RAPGEF2: variants seen among roughly 807,000 people sequenced by gnomAD.
RAPGEF2 encodes PDZ domain containing guanine nucleotide exchange factor (GEF) 1.
Under a neutral mutation model 186.7 loss-of-function variants are expected in RAPGEF2, and 54 were observed. The ratio of observed to expected loss-of-function variants is 0.29; its 90% CI spans 0.23 to 0.36. The LOEUF (loss-of-function observed/expected upper bound fraction) is 0.36, where lower values mean the gene tolerates loss of function less well. Ranked by LOEUF, RAPGEF2 falls within the 10% of genes least tolerant of loss-of-function variation. RAPGEF2 has a pLI of 1.00. For missense variants in RAPGEF2, 1,532 were observed against 2,045.0 expected, an observed-to-expected ratio of 0.75 and a Z score of 4.84; for synonymous variants, 712 against 705.9, an observed-to-expected ratio of 1.01 and a Z score of -0.14.
At chr4:159,219,787 T>A (rs1186640669) in intron 4 of RAPGEF2, among the ~76,000 whole-genome samples, 1 of 152,236 alleles carries the variant, frequency 6.6e-6, no homozygotes, top group Non-Finnish European at 1.5e-5. Flanking sequence ...ATTCCTTACC[T>A]TAGTGCTTAG....
intron 1 of RAPGEF2, among the ~76,000 whole-genome samples, chr4:159,158,252 G>C (rs778001261): frequency 4.1e-4 from 62 of 152,274 alleles, no homozygotes; most frequent in Middle Eastern, 3.4e-3. Flanking sequence ...ACTGCATGCA[G>C]ATCAGTGATC....
At chr4:159,231,003 G>A (rs928491538) in intron 4 of RAPGEF2, among the ~76,000 whole-genome samples, 4 of 152,146 alleles carry the variant, frequency 2.6e-5, no homozygotes, top group African/African-American at 9.7e-5. Flanking sequence ...ATAATATTAT[G>A]TAGTCATGCA....
rs185738990 is a variant in RAPGEF2, at chr4:159,261,656, T to C, written c.543+17865T>C. Among the ~76,000 whole-genome samples the C allele has an allele frequency of 4.7e-4, 72 of 152,346 alleles. 1 individual carries two copies. Among genetic ancestry groups the C allele is most frequent in the African/African-American group, 1.7e-3 (69 of 41,578 alleles). On this transcript the variant is annotated intron_variant, in intron 7 of 29. Transcript: ENST00000691494. ...TAAACCAGTTACTGCTTGCTGTTGT[T>C]TGCATAGGTCCTGTAATACCCTACA...
At chr4:159,104,352 G>T (rs920789070) in intron 1 of RAPGEF2, 121 bp downstream of exon 1, 4 of 467,260 alleles carry the variant, frequency 8.6e-6, no homozygotes, top group Non-Finnish European at 1.6e-5. Context: ...CTTGCATCAG[G>T]ACCCCCAACT....
intron 3 of RAPGEF2, among the ~76,000 whole-genome samples, chr4:159,202,084 CAGAT>C (rs1749479520): frequency 6.6e-6 from 1 of 152,356 alleles, no homozygotes; most frequent in East Asian, 1.9e-4. Context: ...GAACCTGTCT[CAGAT>C]AGCTGTGTCG....
At chr4:159,216,573 A>T (rs1751013100) in intron 4 of RAPGEF2, among the ~76,000 whole-genome samples, 1 of 152,056 alleles carries the variant, frequency 6.6e-6, no homozygotes, top group African/African-American at 2.4e-5. Context: ...AGATCAATTT[A>T]TCTAGAATGC....
At chr4:159,178,551 C>CTTTTTTTTTTTTTT (rs71589215) in intron 1 of RAPGEF2, among the ~76,000 whole-genome samples, 3 of 75,470 alleles carry the variant, frequency 4.0e-5, no homozygotes, top group Non-Finnish European at 7.0e-5. Context: ...ATGTATTATG[C>CTTTTTTTTTTTTTT]TTTTTTTTTT....
intron 8 of RAPGEF2, 45 bp downstream of exon 8, chr4:159,304,518 C>A: frequency 6.5e-7 from 1 of 1,541,868 alleles, no homozygotes; most frequent in Non-Finnish European, 8.9e-7. Flanking sequence ...TTCATTTATT[C>A]CAAGAAATTT....
intron 1 of RAPGEF2, among the ~76,000 whole-genome samples, chr4:159,104,512 G>GAGAGAC (rs1737591581): frequency 7.7e-6 from 1 of 130,468 alleles, no homozygotes; most frequent in African/African-American, 3.4e-5. Context: ...GAGAGAGAGA[G>GAGAGAC]AGAGAGAGAG....
At chr4:159,203,457 G>A (rs1194764489) in intron 3 of RAPGEF2, among the ~76,000 whole-genome samples, 3 of 152,208 alleles carry the variant, frequency 2.0e-5, no homozygotes, top group Non-Finnish European at 2.9e-5. Context: ...CGTCACGTGA[G>A]CATGTACACA....
chr4:159,118,968 A>G (rs1739364541), intron 1 of RAPGEF2, among the ~76,000 whole-genome samples: 1 of 152,178 alleles, frequency 6.6e-6, no homozygotes, highest in African/African-American at 2.4e-5. Context: ...AGTAGTTGAT[A>G]TTCATTACTC....
At chr4:159,208,244 G>A (rs576244078) in intron 3 of RAPGEF2, among the ~76,000 whole-genome samples, 10 of 152,348 alleles carry the variant, frequency 6.6e-5, no homozygotes, top group African/African-American at 2.4e-4. Flanking sequence ...ATTATTCAGA[G>A]TTGTAAATAG....
In RAPGEF2 at chr4:159,241,376, A is replaced by G. The variant is rs980100783; in HGVS notation, c.525+8A>G. On this transcript the variant is annotated splice_region_variant and intron_variant, in intron 6 of 29. Coordinates refer to ENST00000691494, the MANE Select transcript of RAPGEF2 (RefSeq NM_001394067.2). ...CCTAGAGGCTATCACACGGTAAGTT[A>G]TACAAGTATAATATTTTTATTTATT... The G allele has an allele frequency of 1.2e-5, 16 of 1,377,376 alleles. No homozygotes were observed. Among genetic ancestry groups the G allele is most frequent in the Non-Finnish European group, 1.5e-5 (16 of 1,062,770 alleles). The allele number at this position is 1,377,376 out of a possible 1,614,324, so 85.3% of individuals were successfully genotyped here. A position where few individuals can be genotyped will look rare whatever the true frequency, so the allele number is the denominator to read the frequency against.
Position 159,193,871 on chromosome 4 carries a change from C to T in RAPGEF2, c.197+615C>T, listed in dbSNP as rs552743337. Among the ~76,000 whole-genome samples the T allele has an allele frequency of 2.0e-5, 3 of 152,302 alleles. No individual in the cohort carries two copies. In the South Asian group the frequency reaches 6.2e-4, roughly 32 times the overall value. On this transcript the variant is annotated intron_variant, in intron 3 of 29. Coordinates refer to ENST00000691494, the MANE Select transcript of RAPGEF2 (RefSeq NM_001394067.2). ...GTTTTGTTGACTGGTTTTCAAAGCA[C>T]TTACTTTCTACCTTCTAGACTTATT...
intron 7 of RAPGEF2, among the ~76,000 whole-genome samples, chr4:159,252,018 C>T (rs956295493): frequency 1.3e-5 from 2 of 152,134 alleles, no homozygotes; most frequent in African/African-American, 4.8e-5. Context: ...AAAGACACAT[C>T]TGAACATCTG....
chr4:159,245,700 T>G (rs998078928), intron 7 of RAPGEF2, among the ~76,000 whole-genome samples: 1 of 152,076 alleles, frequency 6.6e-6, no homozygotes, highest in Non-Finnish European at 1.5e-5. Flanking sequence ...TTTTACCTTA[T>G]TGGAGTGACG....
intron 25 of RAPGEF2, among the ~76,000 whole-genome samples, chr4:159,347,635 T>A (rs1251473139): frequency 6.6e-6 from 1 of 151,968 alleles, no homozygotes; most frequent in Non-Finnish European, 1.5e-5. Flanking sequence ...ATAGAAAAAA[T>A]TAGCCGGGCG....
At chr4:159,292,159 C>T (rs1474844167) in intron 7 of RAPGEF2, among the ~76,000 whole-genome samples, 3 of 152,172 alleles carry the variant, frequency 2.0e-5, no homozygotes, top group Admixed American at 1.3e-4. Flanking sequence ...GGCTTCCCAT[C>T]TCATTCAGGG....
intron 7 of RAPGEF2, among the ~76,000 whole-genome samples, chr4:159,252,821 T>G (rs1755625310): frequency 6.6e-6 from 1 of 152,170 alleles, no homozygotes; most frequent in South Asian, 2.1e-4. Context: ...TAAAAAAAAT[T>G]TTTGGCTCTA....
Sources: gnomAD v4.1 joint callset for allele counts (sites outside exome capture counted in the v4.1 genomes callset) on GRCh38, gnomAD v4.1.1 for gene constraint, MANE v1.5 for transcripts, NCBI Gene and HGNC (gene_info 2026-07-23, HGNC 2026-07-21) for gene names.